FRK: variants seen among roughly 807,000 people sequenced by gnomAD.
The protein encoded by FRK is fyn related Src family tyrosine kinase, also known as tyrosine-protein kinase FRK.
Under a neutral mutation model 56.4 loss-of-function variants are expected in FRK, and 51 were observed. That is an observed-to-expected ratio of 0.90 (90% CI 0.72 to 1.14). The LOEUF (loss-of-function observed/expected upper bound fraction) is 1.14. Ranked by LOEUF, FRK falls within the 50% of genes most tolerant of loss-of-function variation. FRK has a pLI of 0.00. For synonymous variants in FRK, 245 were observed against 217.9 expected, an observed-to-expected ratio of 1.12 and a Z score of -1.10; for missense variants, 570 against 601.4, an observed-to-expected ratio of 0.95 and a Z score of 0.55.
intron 1 of FRK, among the ~76,000 whole-genome samples, chr6:116,058,121 T>A (rs936149147): frequency 6.6e-6 from 1 of 152,130 alleles, no homozygotes; most frequent in African/African-American, 2.4e-5. Flanking sequence ...ATTCAAGGCA[T>A]GAAACATTAA....
rs909541075 is a variant in FRK at position 115,940,730 on chromosome 6, A to C, written c.*1684T>G. ...TGCAGCCAACAGACATATGAAAAAA[A>C]GCTCATCATCTGATCATTAGAGAAA... is the stretch of plus-strand genomic sequence containing the variant. On this transcript the variant is annotated 3_prime_UTR_variant, in exon 8 of 8. Transcript: ENST00000606080. 2.6e-5 allele frequency: 4 copies of C among 152,236 alleles called. No homozygotes were observed. The highest frequency in any genetic ancestry group is 9.6e-5 in the African/African-American group (4 of 41,456). 9.4% of individuals were successfully genotyped at this position (152,236 alleles called of 1,614,324 possible).
At chr6:116,074,848 T>A in the FRK span, among the ~76,000 whole-genome samples, 649 of 152,156 alleles carry the variant, frequency 4.3e-3, 7 homozygotes, top group African/African-American at 0.015. Flanking sequence ...CTGCCCTTAG[T>A]TTTCTATGTC....
the FRK span, among the ~76,000 whole-genome samples, chr6:116,074,418 A>G: frequency 6.6e-6 from 1 of 152,168 alleles, no homozygotes; most frequent in Non-Finnish European, 1.5e-5. Flanking sequence ...GAAATATGCC[A>G]TGCTTCTTCA....
At chr6:115,947,676 T>C (rs1562250040) in intron 5 of FRK, among the ~76,000 whole-genome samples, 1 of 152,108 alleles carries the variant, frequency 6.6e-6, no homozygotes, top group African/African-American at 2.4e-5. Context: ...AGCAGAGCAG[T>C]CTGGCCCATA....
chr6:116,066,088 G>A, the FRK span, among the ~76,000 whole-genome samples: 4 of 152,302 alleles, frequency 2.6e-5, no homozygotes, highest in South Asian at 8.3e-4. Flanking sequence ...AGGATGCAAA[G>A]TATTGATCCT....
chr6:115,931,919 G>A lies in FRK; in HGVS notation c.*10495C>T, dbSNP rs929136717. The A allele has an allele frequency of 2.0e-5, 3 of 152,166 alleles. No individual in the cohort carries two copies. The highest frequency in any genetic ancestry group is 7.2e-5 in the African/African-American group (3 of 41,440). The allele number at this position is 152,166 out of a possible 1,614,324, so 9.4% of individuals were successfully genotyped here. A position where few individuals can be genotyped will look rare whatever the true frequency, so the allele number is the denominator to read the frequency against. On this transcript the variant is annotated 3_prime_UTR_variant, in exon 8 of 8. Coordinates refer to ENST00000606080, the MANE Select transcript of FRK (RefSeq NM_002031.3). Reference sequence around the variant, plus strand: ...TGGTAATACTTCCAACTGGACACTTGAGGTGTGTTTGAGATATAGCACCCT... The same window carrying A: ...TGGTAATACTTCCAACTGGACACTTAAGGTGTGTTTGAGATATAGCACCCT...
chr6:116,097,193 T>C, the FRK span, among the ~76,000 whole-genome samples: 1 of 152,222 alleles, frequency 6.6e-6, no homozygotes, highest in Non-Finnish European at 1.5e-5. Flanking sequence ...GGCCTCAGCA[T>C]AATATTACAA....
chr6:116,006,763 T>C (rs1023907931), intron 1 of FRK, among the ~76,000 whole-genome samples: 2 of 152,130 alleles, frequency 1.3e-5, no homozygotes, highest in African/African-American at 4.8e-5. Flanking sequence ...TTCAAGGCTG[T>C]AGTGCACTAT....
intron 1 of FRK, among the ~76,000 whole-genome samples, chr6:116,041,304 A>G (rs1776701050): frequency 6.6e-6 from 1 of 152,238 alleles, no homozygotes; most frequent in Non-Finnish European, 1.5e-5. Flanking sequence ...CCTAAGGCTA[A>G]ACAGAGGAAT....
At chr6:115,972,965 G>A (rs1273791271) in intron 2 of FRK, among the ~76,000 whole-genome samples, 1 of 152,102 alleles carries the variant, frequency 6.6e-6, no homozygotes, top group Non-Finnish European at 1.5e-5. Context: ...TCCAGTTCAC[G>A]ACAATAATAT....
At chr6:116,063,052 G>C (rs1777677032), upstream of FRK, among the ~76,000 whole-genome samples, 1 of 152,104 alleles carries the variant, frequency 6.6e-6, no homozygotes, top group African/African-American at 2.4e-5. Flanking sequence ...GTTCATAATA[G>C]TTTATAGAGT....
rs574321986 is a variant in FRK, at chr6:115,940,958, A to G, written c.*1456T>C. ...CAGTGTAGCAATTCCTCAAGGATCTAGAACTAGAAATACCATTTGACTCAG... is the reference window on the plus strand; with the variant it reads ...CAGTGTAGCAATTCCTCAAGGATCTGGAACTAGAAATACCATTTGACTCAG... On this transcript the variant is annotated 3_prime_UTR_variant, in exon 8 of 8. Coordinates refer to ENST00000606080, the MANE Select transcript of FRK (RefSeq NM_002031.3). The G allele has an allele frequency of 1.3e-5, 2 of 152,368 alleles. No individual in the cohort carries two copies. The highest frequency in any genetic ancestry group is 6.5e-5 in the Admixed American group (1 of 15,300). The allele number at this position is 152,368 out of a possible 1,614,324, so 9.4% of individuals were successfully genotyped here.
chr6:116,077,577 T>C, the FRK span, among the ~76,000 whole-genome samples: 1 of 152,246 alleles, frequency 6.6e-6, no homozygotes, highest in Non-Finnish European at 1.5e-5. Flanking sequence ...TTATTTAAAC[T>C]GTAATTACCC....
the FRK span, among the ~76,000 whole-genome samples, chr6:116,070,185 T>C: frequency 6.6e-6 from 1 of 150,794 alleles, no homozygotes; most frequent in East Asian, 1.9e-4. Flanking sequence ...GTCACAGCTA[T>C]TAGTGAAGAT....
the FRK span, among the ~76,000 whole-genome samples, chr6:116,067,421 C>T: frequency 6.6e-6 from 1 of 151,884 alleles, no homozygotes; most frequent in Non-Finnish European, 1.5e-5. Flanking sequence ...CAGCACTCAT[C>T]ACACTCTGTA....
chr6:115,990,572 C>G (rs1484880684), intron 2 of FRK, among the ~76,000 whole-genome samples: 1 of 151,674 alleles, frequency 6.6e-6, no homozygotes, highest in African/African-American at 2.4e-5. Context: ...TGTTGAAGAT[C>G]AGTTGGTTTT....
chr6:116,000,269 G>A (rs200541917), intron 2 of FRK, among the ~76,000 whole-genome samples: 49,379 of 112,936 alleles, frequency 0.44, 10,766 homozygotes, highest in Middle Eastern at 0.64. Context: ...TTGAGACGGA[G>A]TCTCGCTCTG....
rs1025698513 is a variant in FRK at position 115,937,635 on chromosome 6, G to A, written c.*4779C>T. ...GATAAAGGGATGGAGGAATATTTAC[G>A]AAGCAAACGGAAAGCAGAAAAAAAA... On this transcript the variant is annotated 3_prime_UTR_variant, in exon 8 of 8. Transcript: ENST00000606080. The A allele has an allele frequency of 1.3e-5, 2 of 151,804 alleles. No individual in the cohort carries two copies. The highest frequency in any genetic ancestry group is 2.4e-5 in the African/African-American group (1 of 41,308). 9.4% of individuals were successfully genotyped at this position (151,804 alleles called of 1,614,324 possible).
At chr6:116,048,419 C>T (rs1441060540) in intron 1 of FRK, among the ~76,000 whole-genome samples, 1 of 152,082 alleles carries the variant, frequency 6.6e-6, no homozygotes, top group East Asian at 1.9e-4. Flanking sequence ...AGGGTCTTGC[C>T]CTTTCACCTA....
Sources: allele counts gnomAD v4.1 joint callset (sites outside exome capture counted in the v4.1 genomes callset), GRCh38; gene constraint gnomAD v4.1.1; transcripts MANE v1.5; gene names NCBI Gene and HGNC (gene_info 2026-07-23, HGNC 2026-07-21).